Variants in SOCS7 observed in about 807,000 individuals in gnomAD.
SOCS7 encodes the protein NAP-4.
Under a neutral mutation model 58.9 loss-of-function variants are expected in SOCS7, and 18 were observed. The observed-to-expected ratio is 0.31, with a 90% confidence interval of 0.21 to 0.45. The LOEUF is 0.45. SOCS7 is among the 20% of genes least tolerant of loss of function. The pLI is 1.00. For synonymous variants in SOCS7, 388 were observed against 364.3 expected, an observed-to-expected ratio of 1.06 and a Z score of -0.74; for missense variants, 667 against 837.3, an observed-to-expected ratio of 0.80 and a Z score of 2.51.
intron 8 of SOCS7, 102 bp downstream of exon 8, chr17:38,395,546 G>A (rs762775418): frequency 2.6e-5 from 32 of 1,226,938 alleles, no homozygotes; most frequent in Non-Finnish European, 3.4e-5. Flanking sequence ...GGCAGAGTCT[G>A]GCATAAAATA....
At chr17:38,368,508 T>C (rs1207232694) in intron 6 of SOCS7, among the ~76,000 whole-genome samples, 2 of 148,512 alleles carry the variant, frequency 1.3e-5, no homozygotes, top group Non-Finnish European at 3.0e-5. Flanking sequence ...ATTTCTTTCT[T>C]TTTTTTTTTT....
chr17:38,372,889 A>G (rs1449410676), intron 6 of SOCS7, among the ~76,000 whole-genome samples: 1 of 152,080 alleles, frequency 6.6e-6, no homozygotes, highest in Non-Finnish European at 1.5e-5. Context: ...GGCGGATCAC[A>G]TGAGGTCGGG....
chr17:38,387,243 A>G (rs1288962449), intron 7 of SOCS7, among the ~76,000 whole-genome samples: 5 of 142,208 alleles, frequency 3.5e-5, no homozygotes, highest in African/African-American at 1.1e-4. Context: ...CAGGAGTTAA[A>G]CACCAGCCTG....
intron 6 of SOCS7, chr17:38,375,942 C>T (rs1390470704): frequency 6.6e-6 from 1 of 152,026 alleles, no homozygotes; most frequent in Admixed American, 6.6e-5. Flanking sequence ...GCCTCAGCCT[C>T]CCGAGTAGCT....
chr17:38,364,091 C>T (rs2037755272), intron 2 of SOCS7, among the ~76,000 whole-genome samples: 1 of 152,172 alleles, frequency 6.6e-6, no homozygotes, highest in African/African-American at 2.4e-5. Context: ...TATGGAGAAG[C>T]TGCCTCTTAG....
chr17:38,367,957 C>T lies in SOCS7; in HGVS notation c.1459C>T (p.Leu487=), dbSNP rs1555568636. The T allele has an allele frequency of 4.3e-6, 7 of 1,614,040 alleles. No individual in the cohort carries two copies. The African/African-American group carries it at 5.3e-5, about 12-fold the overall frequency. ...GAAAGGGAAACCAGATGGTTCTTTC[C>T]TGGTACGAGACAGTTCTGATCCTCG... is the stretch of plus-strand genomic sequence containing the variant. ...KLKGKPDGSF[L]VRDSSDPRYI... Residue 487 remains leucine, a synonymous_variant, in exon 6 of 10, where the codon CTG becomes TTG. Transcript: ENST00000612932.
chr17:38,371,078 T>C (rs2144346513), intron 6 of SOCS7, among the ~76,000 whole-genome samples: 1 of 152,310 alleles, frequency 6.6e-6, no homozygotes, highest in Middle Eastern at 3.4e-3. Context: ...GCAGTTCTCT[T>C]GACTGATTAG....
intron 1 of SOCS7, among the ~76,000 whole-genome samples, chr17:38,359,480 G>T (rs1053892612): frequency 1.3e-5 from 2 of 152,168 alleles, no homozygotes; most frequent in Non-Finnish European, 2.9e-5. Context: ...TTTGTTTGAG[G>T]TGAATTCTGA....
At chr17:38,387,395 C>T (rs1165329209) in intron 7 of SOCS7, among the ~76,000 whole-genome samples, 3 of 144,030 alleles carry the variant, frequency 2.1e-5, no homozygotes, top group African/African-American at 5.2e-5. Flanking sequence ...TACAGTGAGC[C>T]GAGATCACCC....
At position 38,352,033 on chromosome 17, in the gene SOCS7, GCCCT is replaced by G. The variant is rs561178442; in HGVS notation, c.-10_-7del. 6.9e-6 allele frequency among the ~76,000 whole-genome samples: 1 copy of G among 144,048 alleles called. No individual in the cohort carries two copies. The highest frequency in any genetic ancestry group is 6.9e-5 in the Admixed American group (1 of 14,558). The allele number at this position is 144,048 out of a possible 152,430, so 94.5% of individuals were successfully genotyped here. ...ACCCCAGCCCGGCTCCCAGCCGCCC[GCCCT>G]CCCTCCCTCTCCCCGATGCAGGAGG... On this transcript the variant is annotated 5_prime_UTR_variant, in exon 1 of 10. Coordinates refer to ENST00000612932, the MANE Select transcript of SOCS7 (RefSeq NM_014598.4). This position sits in a 1 kb window ranked among gnomAD's most constrained non-coding sequence, Gnocchi z 5.5.
chr17:38,383,564 A>G (rs987841324), intron 7 of SOCS7, among the ~76,000 whole-genome samples: 1 of 151,998 alleles, frequency 6.6e-6, no homozygotes. Context: ...CCTTAGCTCT[A>G]TATTATTTTG....
chr17:38,380,630 C>CAA (rs1226167969), intron 7 of SOCS7, among the ~76,000 whole-genome samples: 6 of 122,896 alleles, frequency 4.9e-5, no homozygotes, highest in African/African-American at 1.6e-4. Flanking sequence ...GACTCTGTCT[C>CAA]AAAAAAAAAA....
In SOCS7 at chr17:38,352,183, G is replaced by GC; in HGVS notation, c.137dup (p.Pro47AlafsTer148). Reference sequence around the variant, plus strand: ...CCTCCGCCACCGCCCCCGGGCCATGGCCCCCCGCCGCCACCCTTCCTCGCG... The same window carrying GC: ...CCTCCGCCACCGCCCCCGGGCCATGGCCCCCCCGCCGCCACCCTTCCTCGCG... On this transcript the variant is annotated frameshift_variant, in exon 1 of 10. Coordinates refer to ENST00000612932, the MANE Select transcript of SOCS7 (RefSeq NM_014598.4). LOFTEE classifies it high-confidence loss of function. The surrounding 1 kb of genome is among the most constrained non-coding windows in gnomAD (Gnocchi z 5.5). The GC allele has an allele frequency of 2.3e-6, 3 of 1,294,026 alleles. No homozygotes were observed. Among genetic ancestry groups the GC allele is most frequent in the Non-Finnish European group, 2.9e-6 (3 of 1,027,524 alleles). 80.2% of individuals were successfully genotyped at this position (1,294,026 alleles called of 1,614,324 possible). A position where few individuals can be genotyped will look rare whatever the true frequency, so the allele number is the denominator to read the frequency against.
chr17:38,378,724 T>G (rs1222038374), intron 7 of SOCS7, among the ~76,000 whole-genome samples: 1 of 152,206 alleles, frequency 6.6e-6, no homozygotes, highest in Non-Finnish European at 1.5e-5. Flanking sequence ...TGTGATTGTA[T>G]AGTCTTCCTG....
At chr17:38,382,542 A>G (rs1207019955) in intron 7 of SOCS7, among the ~76,000 whole-genome samples, 1 of 151,444 alleles carries the variant, frequency 6.6e-6, no homozygotes, top group African/African-American at 2.4e-5. Context: ...CTGGAGTGCA[A>G]TGGCACGATC....
intron 7 of SOCS7, among the ~76,000 whole-genome samples, chr17:38,386,053 G>A (rs547376986): frequency 6.6e-6 from 1 of 151,900 alleles, no homozygotes; most frequent in Admixed American, 6.6e-5. Context: ...GGCCAGGCGC[G>A]GTGGCTCAGG....
At chr17:38,358,024 G>A (rs1246030785) in intron 1 of SOCS7, among the ~76,000 whole-genome samples, 1 of 151,960 alleles carries the variant, frequency 6.6e-6, no homozygotes, top group Non-Finnish European at 1.5e-5. Flanking sequence ...CTGTTTTTTT[G>A]TTACCTACAG....
At chr17:38,379,157 C>CA (rs1173083126) in intron 7 of SOCS7, among the ~76,000 whole-genome samples, 1,421 of 46,780 alleles carry the variant, frequency 0.03, 24 homozygotes, top group African/African-American at 0.078. Flanking sequence ...GACCCTGTCT[C>CA]AAAAAAAAAA....
chr17:38,387,537 A>G (rs1301724616), intron 7 of SOCS7, among the ~76,000 whole-genome samples: 33 of 141,592 alleles, frequency 2.3e-4, no homozygotes, highest in Non-Finnish European at 3.0e-5. Context: ...TATATACACA[A>G]TATATAGTAT....
Sources: allele counts gnomAD v4.1 joint callset (sites outside exome capture counted in the v4.1 genomes callset), GRCh38; gene constraint gnomAD v4.1.1; non-coding constraint Gnocchi (gnomAD v3.1); transcripts MANE v1.5; gene names NCBI Gene and HGNC (gene_info 2026-07-23, HGNC 2026-07-21).